The following FRYL variants were observed in gnomAD, a reference collection of about 807,000 sequenced individuals.
FRYL encodes the protein protein furry homolog-like.
A neutral mutation model predicts 351.2 loss-of-function variants in FRYL; 150 were observed. The ratio of observed to expected loss-of-function variants is 0.43; its 90% CI spans 0.37 to 0.49. The LOEUF (loss-of-function observed/expected upper bound fraction) is 0.49. Among genes scored for constraint, FRYL ranks in the 20% least tolerant of loss-of-function variants. The probability of loss-of-function intolerance (pLI) is 0.00; values close to 1 mark genes in which losing one functional copy is unlikely to be tolerated. For synonymous variants in FRYL, 1,153 were observed against 1,257.1 expected (o/e 0.92, Z 1.75); for missense variants, 3,036 against 3,619.3 (o/e 0.84, Z 4.13).
At chr4:48,597,536 G>A (rs1161947085) in intron 13 of FRYL, among the ~76,000 whole-genome samples, 1 of 151,834 alleles carries the variant, frequency 6.6e-6, no homozygotes, top group African/African-American at 2.4e-5. Context: ...AGGAAATCTC[G>A]GTACCCTCCT....
intron 2 of FRYL, among the ~76,000 whole-genome samples, chr4:48,695,835 A>G (rs1214288828): frequency 6.6e-6 from 1 of 152,194 alleles, no homozygotes; most frequent in African/African-American, 2.4e-5. Flanking sequence ...AATTTACAAG[A>G]AAAAAACAAC....
chr4:48,704,519 ACAACAC>A (rs1767098418), intron 2 of FRYL, among the ~76,000 whole-genome samples: 1 of 152,168 alleles, frequency 6.6e-6, no homozygotes, highest in Admixed American at 6.5e-5. Context: ...AACAACAACA[ACAACAC>A]CACAAGGCTG....
At chr4:48,687,885 T>C (rs1234878043) in intron 2 of FRYL, among the ~76,000 whole-genome samples, 1 of 152,120 alleles carries the variant, frequency 6.6e-6, no homozygotes, top group East Asian at 1.9e-4. Context: ...AACGACTTAA[T>C]TAGTATGTAA....
intron 3 of FRYL, among the ~76,000 whole-genome samples, chr4:48,635,811 T>C (rs1754105080): frequency 1.3e-5 from 2 of 152,196 alleles, no homozygotes; most frequent in South Asian, 4.1e-4. Context: ...CTCCAGAGAC[T>C]GCCCTTGAAC....
At chr4:48,557,180 G>A in intron 34 of FRYL, 62 bp from the exon 35 acceptor site, 1 of 1,518,834 alleles carries the variant, frequency 6.6e-7, no homozygotes, top group Non-Finnish European at 8.9e-7. Context: ...AACCAAACTT[G>A]TCATACCATG....
chr4:48,696,286 AT>A (rs1167338047), intron 2 of FRYL, among the ~76,000 whole-genome samples: 1 of 152,234 alleles, frequency 6.6e-6, no homozygotes, highest in African/African-American at 2.4e-5. Context: ...CCAAATGCCC[AT>A]CAATGATAGA....
intron 3 of FRYL, among the ~76,000 whole-genome samples, chr4:48,646,247 C>T (rs924522308): frequency 2.0e-5 from 3 of 152,100 alleles, no homozygotes; most frequent in Admixed American, 6.6e-5. Context: ...GCTTATAAAA[C>T]AATTCACAAG....
chr4:48,776,127 C>A (rs1165342528), intron 1 of FRYL, among the ~76,000 whole-genome samples: 2 of 148,044 alleles, frequency 1.4e-5, no homozygotes, highest in African/African-American at 4.9e-5. Flanking sequence ...GTGATAGGAG[C>A]AGTGTTATGT....
At chr4:48,539,821 G>T in intron 47 of FRYL, 150 bp downstream of exon 47, 1 of 562,316 alleles carries the variant, frequency 1.8e-6, no homozygotes, top group Non-Finnish European at 3.1e-6. Context: ...TACTATGCAA[G>T]TCCTTTATGT....
At chr4:48,523,362 A>C in intron 53 of FRYL, 1 of 377,156 alleles carries the variant, frequency 2.7e-6, no homozygotes, top group South Asian at 3.3e-5. Flanking sequence ...ATTACTGGGG[A>C]CCAAGTAAAT....
intron 55 of FRYL, chr4:48,520,424 C>T (rs1724650917): frequency 6.6e-6 from 1 of 151,980 alleles, no homozygotes; most frequent in African/African-American, 2.4e-5. Flanking sequence ...GTAGCATTTC[C>T]TAATATTTAC....
At chr4:48,688,485 TA>T (rs958511021) in intron 2 of FRYL, among the ~76,000 whole-genome samples, 7 of 152,224 alleles carry the variant, frequency 4.6e-5, no homozygotes, top group East Asian at 3.9e-4. Flanking sequence ...AAAATCATTT[TA>T]AAAAAATATT....
chr4:48,587,903 CTCTTTT>C (rs1742477357), intron 18 of FRYL, among the ~76,000 whole-genome samples: 1 of 152,154 alleles, frequency 6.6e-6, no homozygotes. Flanking sequence ...ATAGTCAGTC[CTCTTTT>C]TACATGGTTT....
chr4:48,546,705 T>C (rs990185769), intron 41 of FRYL: 1 of 161,706 alleles, frequency 6.2e-6, no homozygotes, highest in Non-Finnish European at 1.4e-5. Context: ...AGTGCATCAA[T>C]CATTTTTTAA....
chr4:48,523,406 A>ATTCTAAT, intron 53 of FRYL: 1 of 238,554 alleles, frequency 4.2e-6, no homozygotes, highest in Non-Finnish European at 8.2e-6. Context: ...CTAATACACA[A>ATTCTAAT]ACATGAATGA....
intron 2 of FRYL, among the ~76,000 whole-genome samples, chr4:48,702,455 C>CAAAAAAAAA (rs34675617): frequency 3.4e-5 from 1 of 29,450 alleles, no homozygotes; most frequent in African/African-American, 1.4e-4. Flanking sequence ...GACTCTGTCT[C>CAAAAAAAAA]AAAAAAAAAA....
intron 1 of FRYL, among the ~76,000 whole-genome samples, chr4:48,713,620 G>T (rs999736228): frequency 6.6e-6 from 1 of 152,100 alleles, no homozygotes; most frequent in Non-Finnish European, 1.5e-5. Flanking sequence ...GATTCATAAA[G>T]CAAGTCCTGA....
At chr4:48,594,541 C>T (rs1744203463) in intron 15 of FRYL, among the ~76,000 whole-genome samples, 3 of 152,158 alleles carry the variant, frequency 2.0e-5, no homozygotes, top group Admixed American at 6.5e-5. Context: ...AACCTAATGT[C>T]ACAAGTTTTT....
intron 1 of FRYL, among the ~76,000 whole-genome samples, chr4:48,728,662 T>C (rs1349785628): frequency 6.6e-6 from 1 of 152,074 alleles, no homozygotes; most frequent in East Asian, 1.9e-4. Context: ...AGCCAGAAGA[T>C]AAAAACACCA....
Sources: gnomAD v4.1 joint callset for allele counts (sites outside exome capture counted in the v4.1 genomes callset) on GRCh38, gnomAD v4.1.1 for gene constraint, MANE v1.5 for transcripts, NCBI Gene and HGNC (gene_info 2026-07-23, HGNC 2026-07-21) for gene names.